Variants in CALCR observed in about 807,000 individuals in gnomAD.
The protein encoded by CALCR is calcitonin receptor.
A neutral mutation model predicts 59.5 loss-of-function variants in CALCR; 47 were observed. The observed-to-expected ratio is 0.79, with a 90% confidence interval of 0.63 to 1.01. The LOEUF is 1.01. Ranked by LOEUF, CALCR falls within the 50% of genes least tolerant of loss-of-function variation. The probability of loss-of-function intolerance (pLI) is 0.00; values close to 1 mark genes in which losing one functional copy is unlikely to be tolerated. For missense variants in CALCR, 566 were observed against 597.1 expected, an observed-to-expected ratio of 0.95 and a Z score of 0.54; for synonymous variants, 213 against 211.3, an observed-to-expected ratio of 1.01 and a Z score of -0.07.
intron 2 of CALCR, among the ~76,000 whole-genome samples, chr7:93,549,135 G>A (rs998521366): frequency 8.5e-5 from 13 of 152,104 alleles, no homozygotes; most frequent in African/African-American, 2.7e-4. Flanking sequence ...AGGATGTCTA[G>A]TTGATCATTT....
At chr7:93,550,043 A>G (rs897048848) in intron 2 of CALCR, among the ~76,000 whole-genome samples, 2 of 152,232 alleles carry the variant, frequency 1.3e-5, no homozygotes, top group South Asian at 2.1e-4. Context: ...AAATACAACA[A>G]TATATCAAAA....
chr7:93,553,598 C>T (rs1041116175), intron 2 of CALCR, among the ~76,000 whole-genome samples: 3 of 151,962 alleles, frequency 2.0e-5, no homozygotes, highest in Non-Finnish European at 4.4e-5. Context: ...TTAGCTGTAT[C>T]ACTTGGGCAA....
chr7:93,463,509 G>C (rs925421804), intron 7 of CALCR, among the ~76,000 whole-genome samples: 1 of 151,754 alleles, frequency 6.6e-6, no homozygotes, highest in South Asian at 2.1e-4. Flanking sequence ...GTGAGTCGAA[G>C]GTATTGCAAA....
At position 93,545,106 on chromosome 7, in the gene CALCR, A is replaced by G. The variant is rs140508308; in HGVS notation, c.-27+29183T>C. On this transcript the variant is annotated intron_variant, in intron 2 of 13. Coordinates refer to ENST00000426151, the MANE Select transcript of CALCR (RefSeq NM_001742.4). ...TGCATGTTAAGTTGGTGGGATGGGAAGGATAAGGTACTCATGTGATATATG... is the reference window on the plus strand; with the variant it reads ...TGCATGTTAAGTTGGTGGGATGGGAGGGATAAGGTACTCATGTGATATATG... Among the ~76,000 whole-genome samples, 687 of 152,204 alleles carry G rather than the reference A, an allele frequency of 4.5e-3. 11 individuals carry two copies. The highest frequency in any genetic ancestry group is 0.016 in the African/African-American group (660 of 41,502).
At chr7:93,432,253 T>C (rs1799674325) in intron 13 of CALCR, among the ~76,000 whole-genome samples, 1 of 152,244 alleles carries the variant, frequency 6.6e-6, no homozygotes, top group Non-Finnish European at 1.5e-5. Context: ...GATCTCATTA[T>C]TATGTTGAGT....
At chr7:93,496,080 T>A in intron 2 of CALCR, 1 of 606,198 alleles carries the variant, frequency 1.6e-6, no homozygotes, top group Admixed American at 3.6e-5. Context: ...TAAATTATCT[T>A]TATTTTTTGT....
chr7:93,468,596 G>A (rs1800486950), intron 7 of CALCR, 119 bp downstream of exon 7: 1 of 606,552 alleles, frequency 1.6e-6, no homozygotes, highest in African/African-American at 1.9e-5. Context: ...GACTCCTAAT[G>A]TTGCATGTCG....
chr7:93,511,111 A>ATATT (rs1010343881), intron 2 of CALCR, among the ~76,000 whole-genome samples: 2 of 152,016 alleles, frequency 1.3e-5, no homozygotes, highest in African/African-American at 4.8e-5. Flanking sequence ...ATATATATAT[A>ATATT]TTCACATATG....
rs1308295689 is a variant in CALCR at position 93,426,227 on chromosome 7, C to G, written c.*129G>C. The G allele has an allele frequency of 1.6e-6, 1 of 643,142 alleles. No individual in the cohort carries two copies. The highest frequency in any genetic ancestry group is 2.8e-6 in the Non-Finnish European group (1 of 360,404). The allele number at this position is 643,142 out of a possible 1,614,324, so 39.8% of individuals were successfully genotyped here. On this transcript the variant is annotated 3_prime_UTR_variant, in exon 14 of 14. Coordinates refer to ENST00000426151, the MANE Select transcript of CALCR (RefSeq NM_001742.4). The stretch of plus-strand genomic sequence containing the variant: ...TAACTTTCTTCAGATTTACAATGGA[C>G]AAATTCACTGAATAATTCTTCACAA...
At chr7:93,487,463 C>T (rs1359175799) in intron 2 of CALCR, among the ~76,000 whole-genome samples, 1 of 151,338 alleles carries the variant, frequency 6.6e-6, no homozygotes, top group African/African-American at 2.4e-5. Flanking sequence ...CTAAAAGTAG[C>T]CTTATTTAAA....
intron 9 of CALCR, among the ~76,000 whole-genome samples, chr7:93,443,097 A>C (rs1799943771): frequency 6.6e-6 from 1 of 152,084 alleles, no homozygotes; most frequent in African/African-American, 2.4e-5. Flanking sequence ...CTCTACTTGG[A>C]AGCCCGTGTG....
At chr7:93,506,272 A>C (rs1441165496) in intron 2 of CALCR, among the ~76,000 whole-genome samples, 1 of 152,154 alleles carries the variant, frequency 6.6e-6, no homozygotes, top group Non-Finnish European at 1.5e-5. Flanking sequence ...ATTGGCTGAG[A>C]TAGGGCACAC....
chr7:93,519,431 C>T (rs1584602290), intron 2 of CALCR, among the ~76,000 whole-genome samples: 2 of 152,070 alleles, frequency 1.3e-5, no homozygotes, highest in East Asian at 3.9e-4. Context: ...CCACTCTTAG[C>T]CTCAGTTTAC....
At chr7:93,557,061 A>T (rs963927207) in intron 2 of CALCR, among the ~76,000 whole-genome samples, 1 of 151,996 alleles carries the variant, frequency 6.6e-6, no homozygotes, top group Non-Finnish European at 1.5e-5. Context: ...ATGACTTCCT[A>T]CATTTTGTCC....
At chr7:93,468,451 G>A (rs555393196) in intron 7 of CALCR, among the ~76,000 whole-genome samples, 1 of 151,728 alleles carries the variant, frequency 6.6e-6, no homozygotes, top group South Asian at 2.1e-4. Flanking sequence ...GTATACTTAT[G>A]GATTCACAGG....
chr7:93,502,669 T>C (rs536520117), intron 2 of CALCR, among the ~76,000 whole-genome samples: 40 of 152,236 alleles, frequency 2.6e-4, no homozygotes, highest in African/African-American at 9.6e-4. Context: ...CATCATAACT[T>C]TGTCTAATGC....
intron 2 of CALCR, among the ~76,000 whole-genome samples, chr7:93,563,146 C>A (rs1169212330): frequency 6.6e-6 from 1 of 152,140 alleles, no homozygotes; most frequent in East Asian, 1.9e-4. Flanking sequence ...CCAAGGTAGT[C>A]ATCATATAGG....
At chr7:93,431,932 T>C (rs553642990) in intron 13 of CALCR, among the ~76,000 whole-genome samples, 1 of 152,330 alleles carries the variant, frequency 6.6e-6, no homozygotes, top group South Asian at 2.1e-4. Flanking sequence ...TTTTCAGGTC[T>C]CTTAGGTACC....
At chr7:93,558,135 T>A (rs1416671072) in intron 2 of CALCR, among the ~76,000 whole-genome samples, 1 of 151,734 alleles carries the variant, frequency 6.6e-6, no homozygotes, top group Non-Finnish European at 1.5e-5. Context: ...CACCTTTTTT[T>A]TTTTTTTACT....
Sources: gnomAD v4.1 joint callset for allele counts (sites outside exome capture counted in the v4.1 genomes callset) on GRCh38, gnomAD v4.1.1 for gene constraint, MANE v1.5 for transcripts, NCBI Gene and HGNC (gene_info 2026-07-23, HGNC 2026-07-21) for gene names.